Variants in MPP7 observed in about 807,000 individuals in gnomAD.
The protein encoded by MPP7 is MAGUK p55 subfamily member 7.
Under a neutral mutation model 76.5 loss-of-function variants are expected in MPP7, and 60 were observed. That is an observed-to-expected ratio of 0.78 (90% CI 0.64 to 0.97). The LOEUF (loss-of-function observed/expected upper bound fraction) is 0.97. MPP7 is among the 50% of genes least tolerant of loss of function. The probability of loss-of-function intolerance (pLI) is 0.00; values close to 1 mark genes in which losing one functional copy is unlikely to be tolerated. For synonymous variants in MPP7, 237 were observed against 244.5 expected, an observed-to-expected ratio of 0.97 and a Z score of 0.29; for missense variants, 641 against 694.0, an observed-to-expected ratio of 0.92 and a Z score of 0.86.
chr10:28,173,691 C>T (rs1836763809), intron 3 of MPP7, among the ~76,000 whole-genome samples: 1 of 152,180 alleles, frequency 6.6e-6, no homozygotes, highest in Non-Finnish European at 1.5e-5. Context: ...CCCGCAACCC[C>T]ATTCTTAAGT....
In MPP7 at chr10:28,326,841, G is replaced by A. The variant is rs146310061; in HGVS notation, c.-132+3088C>T. Among the ~76,000 whole-genome samples the A allele has an allele frequency of 2.5e-3, 381 of 152,210 alleles. 2 individuals are homozygous for A. Among genetic ancestry groups the A allele is most frequent in the African/African-American group, 8.6e-3 (357 of 41,532 alleles). The stretch of plus-strand genomic sequence containing the variant: ...AGAGAGTTTGCAAACCCCAGCTCCC[G>A]GGCTCTGTCTGCTGCACTGATATTC... On this transcript the variant is annotated intron_variant, in intron 2 of 11. Transcript: ENST00000441595.
At chr10:28,254,447 A>G (rs1588987442) in intron 1 of MPP7, among the ~76,000 whole-genome samples, 2 of 152,234 alleles carry the variant, frequency 1.3e-5, no homozygotes, top group East Asian at 3.8e-4. Context: ...CTAATTTGCC[A>G]AAAGCATGGC....
intron 1 of MPP7, among the ~76,000 whole-genome samples, chr10:28,243,077 C>CT (rs138852975): frequency 1.1e-3 from 157 of 146,002 alleles, no homozygotes; most frequent in South Asian, 3.7e-3. Flanking sequence ...GATCATGGAA[C>CT]TTTTTTTTTT....
intron 1 of MPP7, among the ~76,000 whole-genome samples, chr10:28,267,047 A>C (rs1840169250): frequency 6.6e-6 from 1 of 152,212 alleles, no homozygotes; most frequent in Non-Finnish European, 1.5e-5. Flanking sequence ...GTTCTGCCAT[A>C]TGCGTTAGTT....
rs181738473 is a variant in MPP7, at chr10:28,198,085, C to A, written c.156+4068G>T. Among the ~76,000 whole-genome samples the A allele has an allele frequency of 4.7e-4, 71 of 152,070 alleles. 1 individual carries two copies. In the East Asian group the frequency reaches 0.012, roughly 27 times the overall value. On this transcript the variant is annotated intron_variant, in intron 3 of 16. Coordinates refer to ENST00000683449, the MANE Select transcript of MPP7 (RefSeq NM_001318170.2). ...GGTTTGTTGAAATACTTCAAAATAC[C>A]AAAAAGAATAAAATTCAGATTGCTA...
chr10:28,122,245 C>A (rs1242796175), intron 8 of MPP7, among the ~76,000 whole-genome samples: 1 of 151,962 alleles, frequency 6.6e-6, no homozygotes, highest in African/African-American at 2.4e-5. Flanking sequence ...ACAACAGTGT[C>A]ATTTAATAAG....
intron 1 of MPP7, among the ~76,000 whole-genome samples, chr10:28,300,925 A>G (rs111618812): frequency 0.025 from 3,754 of 148,714 alleles, 158 homozygotes; most frequent in African/African-American, 0.088. Context: ...TCCAGCCTGG[A>G]CAACAGAGTG....
In MPP7 at chr10:28,058,513, C is replaced by T. The variant is rs761822051; in HGVS notation, c.1389G>A (p.Leu463=). The change falls in exon 15 of 17, where the codon TTG becomes TTA. Residue 463 remains leucine (L), a synonymous_variant. Transcript: ENST00000683449. ...RSVLAKNKVC[L]LDVQPHTVKH... is the part of the protein sequence containing the mutation. ...TACTTACATGAGGCTGAACATCCAA[C>T]AAACAAACTTTGTTTTTAGCAAGGA... The T allele has an allele frequency of 1.9e-6, 3 of 1,599,930 alleles. No individual in the cohort carries two copies. The South Asian group carries it at 3.4e-5, about 18-fold the overall frequency.
intron 1 of MPP7, among the ~76,000 whole-genome samples, chr10:28,292,934 A>G (rs1840954467): frequency 6.6e-6 from 1 of 152,058 alleles, no homozygotes; most frequent in Non-Finnish European, 1.5e-5. Context: ...CCACTAGGTT[A>G]TTTAGTAAAT....
chr10:28,154,461 G>T (rs900915744), intron 3 of MPP7, among the ~76,000 whole-genome samples: 1 of 151,952 alleles, frequency 6.6e-6, no homozygotes, highest in Admixed American at 6.6e-5. Context: ...TTCCAGCCAG[G>T]GTGTTTGCAA....
At chr10:28,092,509 TTTA>T (rs1369185660) in intron 11 of MPP7, among the ~76,000 whole-genome samples, 1 of 152,082 alleles carries the variant, frequency 6.6e-6, no homozygotes, top group Non-Finnish European at 1.5e-5. Flanking sequence ...GAAAAAGTTA[TTTA>T]TTACTTTTTG....
At chr10:28,192,700 C>A (rs2133951067) in intron 3 of MPP7, among the ~76,000 whole-genome samples, 1 of 152,234 alleles carries the variant, frequency 6.6e-6, no homozygotes, top group African/African-American at 2.4e-5. Flanking sequence ...CATCTCTTCA[C>A]AAATGGAGCC....
At chr10:28,245,136 A>G (rs1839390798) in intron 1 of MPP7, among the ~76,000 whole-genome samples, 1 of 152,060 alleles carries the variant, frequency 6.6e-6, no homozygotes, top group Admixed American at 6.6e-5. Flanking sequence ...ACCATCAATG[A>G]CCCACTATTT....
chr10:28,217,357 T>C (rs945879098), intron 2 of MPP7, among the ~76,000 whole-genome samples: 3 of 151,848 alleles, frequency 2.0e-5, no homozygotes, highest in Admixed American at 6.6e-5. Context: ...GGTGAAACCC[T>C]ATCTCTACTA....
intron 8 of MPP7, among the ~76,000 whole-genome samples, chr10:28,123,753 T>A (rs908463563): frequency 6.6e-6 from 1 of 152,126 alleles, no homozygotes. Context: ...ATTACAGATA[T>A]AAGCCACCAC....
chr10:28,058,951 C>T (rs898919780), intron 14 of MPP7, among the ~76,000 whole-genome samples: 3 of 152,152 alleles, frequency 2.0e-5, no homozygotes, highest in African/African-American at 4.8e-5. Context: ...TTTCATTGCA[C>T]GCTACGGAGT....
chr10:28,262,229 A>T (rs1483002058), intron 1 of MPP7, among the ~76,000 whole-genome samples: 9 of 51,172 alleles, frequency 1.8e-4, no homozygotes, highest in South Asian at 1.2e-3. Flanking sequence ...ATATATACAT[A>T]TATATATATA....
At chr10:28,256,133 T>C (rs1839777745) in intron 1 of MPP7, among the ~76,000 whole-genome samples, 1 of 151,862 alleles carries the variant, frequency 6.6e-6, no homozygotes, top group African/African-American at 2.4e-5. Context: ...TGGAACAACT[T>C]TGGAGAGGGA....
chr10:28,298,665 G>C (rs757582116), intron 1 of MPP7, among the ~76,000 whole-genome samples: 22 of 152,224 alleles, frequency 1.4e-4, no homozygotes, highest in Admixed American at 9.2e-4. Context: ...AAACAAAAGA[G>C]TCAGCCTGGC....
Sources: allele counts gnomAD v4.1 joint callset (sites outside exome capture counted in the v4.1 genomes callset), GRCh38; gene constraint gnomAD v4.1.1; transcripts MANE v1.5; gene names NCBI Gene and HGNC (gene_info 2026-07-23, HGNC 2026-07-21).